PTPRT: variants seen among roughly 807,000 people sequenced by gnomAD.
PTPRT encodes receptor-type tyrosine-protein phosphatase T.
In PTPRT, 56 loss-of-function variants were observed where a neutral mutation model predicts 176.8. That is an observed-to-expected ratio of 0.32 (90% CI 0.26 to 0.40). PTPRT has a LOEUF of 0.40. PTPRT is among the 10% of genes least tolerant of loss of function. The pLI is 1.00. For synonymous variants in PTPRT, 783 were observed against 739.0 expected (o/e 1.06, Z -0.96); for missense variants, 1,540 against 1,908.2 (o/e 0.81, Z 3.60).
chr20:42,094,861 G>A (rs563385216), intron 27 of PTPRT, among the ~76,000 whole-genome samples: 96 of 152,252 alleles, frequency 6.3e-4, no homozygotes, highest in Admixed American at 3.6e-3. Context: ...CAGCCTGGGC[G>A]ACAGAGTGAG....
At chr20:42,739,732 T>C (rs1231755703) in intron 6 of PTPRT, among the ~76,000 whole-genome samples, 2 of 152,232 alleles carry the variant, frequency 1.3e-5, no homozygotes, top group East Asian at 1.9e-4. Flanking sequence ...AAGGTATTAA[T>C]AGATCATTCT....
chr20:42,583,285 G>A (rs2073410778), intron 7 of PTPRT, among the ~76,000 whole-genome samples: 1 of 152,182 alleles, frequency 6.6e-6, no homozygotes, highest in African/African-American at 2.4e-5. Flanking sequence ...AACTGACAAT[G>A]GCAACCAGTT....
intron 6 of PTPRT, among the ~76,000 whole-genome samples, chr20:42,754,140 A>G (rs1198646516): frequency 6.6e-6 from 1 of 152,172 alleles, no homozygotes; most frequent in Non-Finnish European, 1.5e-5. Context: ...ATGGCCTGCA[A>G]TAACCCCTGT....
At chr20:43,053,821 T>C (rs2146238020) in intron 1 of PTPRT, among the ~76,000 whole-genome samples, 1 of 152,282 alleles carries the variant, frequency 6.6e-6, no homozygotes, top group African/African-American at 2.4e-5. Flanking sequence ...AAGCCTGCCT[T>C]GCACATTTTC....
intron 12 of PTPRT, among the ~76,000 whole-genome samples, chr20:42,289,307 CA>C (rs2057281634): frequency 6.6e-6 from 1 of 151,510 alleles, no homozygotes; most frequent in African/African-American, 2.4e-5. Context: ...TTCTGCACAG[CA>C]AAAGAAAAAC....
intron 1 of PTPRT, among the ~76,000 whole-genome samples, chr20:43,108,680 C>T (rs781607619): frequency 6.6e-6 from 1 of 151,984 alleles, no homozygotes; most frequent in Non-Finnish European, 1.5e-5. Flanking sequence ...ACTCCAAATT[C>T]CCTAGCATCG....
intron 6 of PTPRT, among the ~76,000 whole-genome samples, chr20:42,754,016 G>A (rs1041758508): frequency 2.6e-5 from 4 of 152,138 alleles, no homozygotes; most frequent in Non-Finnish European, 5.9e-5. Context: ...GAGCGGGAAT[G>A]AACACAGCAC....
At chr20:42,899,458 G>T (rs2079362519) in intron 1 of PTPRT, among the ~76,000 whole-genome samples, 1 of 152,214 alleles carries the variant, frequency 6.6e-6, no homozygotes, top group Non-Finnish European at 1.5e-5. Flanking sequence ...ACGTGATGTG[G>T]CTGTCTCTGG....
intron 1 of PTPRT, among the ~76,000 whole-genome samples, chr20:43,151,698 C>G (rs991172406): frequency 6.6e-6 from 1 of 151,946 alleles, no homozygotes; most frequent in Non-Finnish European, 1.5e-5. Context: ...CCCGTCTCTA[C>G]TAAACATACA....
intron 1 of PTPRT, among the ~76,000 whole-genome samples, chr20:43,126,599 C>T (rs578107730): frequency 1.3e-5 from 2 of 152,124 alleles, no homozygotes; most frequent in Non-Finnish European, 2.9e-5. Context: ...CCCTTTTCAA[C>T]AAAGATGCTA....
At chr20:42,825,442 T>C (rs945751797) in intron 2 of PTPRT, among the ~76,000 whole-genome samples, 1 of 152,100 alleles carries the variant, frequency 6.6e-6, no homozygotes, top group African/African-American at 2.4e-5. Context: ...CATAAAAATG[T>C]TAATGATAGA....
intron 7 of PTPRT, among the ~76,000 whole-genome samples, chr20:42,496,738 T>C (rs1239290454): frequency 5.3e-5 from 8 of 152,136 alleles, no homozygotes; most frequent in Non-Finnish European, 1.0e-4. Context: ...CTGCACAGTT[T>C]TCCCTAGCAG....
rs1986902225 is a variant in PTPRT, at chr20:42,110,401, A to G, written c.3186T>C (p.Leu1062=). 1 of 1,612,872 alleles carries G rather than the reference A, an allele frequency of 6.2e-7. No individual in the cohort carries two copies. Among genetic ancestry groups the G allele is most frequent in the African/African-American group, 1.3e-5 (1 of 75,040 alleles). Residue 1062 remains leucine (L), a synonymous_variant, in exon 23 of 31, where the codon CTT becomes CTC. Transcript: ENST00000373187. ...DHGVPCYATG[L]LGFVRQVKFL... ...ACTTGACCTGGCGGACGAAGCCCAG[A>G]AGGCCAGTGGCATAGCAGGGAACGC...
intron 1 of PTPRT, among the ~76,000 whole-genome samples, chr20:42,983,205 C>T (rs1983377712): frequency 6.6e-6 from 1 of 152,204 alleles, no homozygotes; most frequent in African/African-American, 2.4e-5. Flanking sequence ...AACATCTCCT[C>T]TTACATTTCA....
chr20:43,166,387 A>C (rs1600765281), intron 1 of PTPRT, among the ~76,000 whole-genome samples: 1 of 151,824 alleles, frequency 6.6e-6, no homozygotes, highest in South Asian at 2.1e-4. Context: ...GAATCACTGA[A>C]GGCTTTATTT....
chr20:42,392,940 G>A (rs2058814921), intron 9 of PTPRT, among the ~76,000 whole-genome samples: 4 of 152,256 alleles, frequency 2.6e-5, no homozygotes, highest in South Asian at 4.1e-4. Context: ...AAGGCCCAAA[G>A]AAAGAGGAAA....
intron 15 of PTPRT, among the ~76,000 whole-genome samples, chr20:42,233,077 T>C (rs73268888): frequency 0.014 from 2,182 of 152,292 alleles, 46 homozygotes; most frequent in African/African-American, 0.051. Flanking sequence ...TCTCCTCTTC[T>C]GATTCTTTAA....
intron 2 of PTPRT, among the ~76,000 whole-genome samples, chr20:42,844,764 G>A (rs187390567): frequency 2.4e-4 from 36 of 152,222 alleles, no homozygotes; most frequent in South Asian, 6.2e-4. Flanking sequence ...CTGCTCTGGC[G>A]TTTGTTCATT....
chr20:42,132,142 G>A (rs1487396489), intron 18 of PTPRT, among the ~76,000 whole-genome samples: 1 of 152,172 alleles, frequency 6.6e-6, no homozygotes, highest in Non-Finnish European at 1.5e-5. Context: ...TTATTATGAT[G>A]TAACCAAAAT....
Sources: allele counts gnomAD v4.1 joint callset (sites outside exome capture counted in the v4.1 genomes callset), GRCh38; gene constraint gnomAD v4.1.1; transcripts MANE v1.5; gene names NCBI Gene and HGNC (gene_info 2026-07-23, HGNC 2026-07-21).